The following BCO1 variants were observed in gnomAD, a reference collection of about 807,000 sequenced individuals.
BCO1 encodes the protein beta,beta-carotene 15,15'-dioxygenase.
BCO1 carries 54 observed loss-of-function variants against 56.3 expected under a neutral mutation model. The observed-to-expected ratio is 0.96, with a 90% CI of 0.77 to 1.20. The LOEUF (loss-of-function observed/expected upper bound fraction) is 1.20, where lower values mean the gene tolerates loss of function less well. Ranked by LOEUF, BCO1 falls within the 50% of genes most tolerant of loss-of-function variation. The probability of loss-of-function intolerance (pLI) is 0.00; values close to 1 mark genes in which losing one functional copy is unlikely to be tolerated. For synonymous variants in BCO1, 318 were observed against 266.1 expected, an observed-to-expected ratio of 1.20 and a Z score of -1.90; for missense variants, 801 against 690.9, an observed-to-expected ratio of 1.16 and a Z score of -1.79.
intron 3 of BCO1, chr16:81,261,901 C>G (rs1412717776): frequency 2.3e-6 from 1 of 429,364 alleles, no homozygotes; most frequent in African/African-American, 2.0e-5. Flanking sequence ...GCCACCACGC[C>G]CGGCTGATTT....
In BCO1 at chr16:81,259,355, G is replaced by A. The variant is rs74594705; in HGVS notation, c.194-321G>A. Among the ~76,000 whole-genome samples the A allele has an allele frequency of 7.2e-3, 1,102 of 152,146 alleles. 16 individuals are homozygous for A. The highest frequency in any genetic ancestry group is 0.025 in the African/African-American group (1,055 of 41,500). ...CTAAAAATACAAAAATTTGCTGGTCGTGGTGGCGCATGCCTATAATCCTAG... is the reference window on the plus strand; with the variant it reads ...CTAAAAATACAAAAATTTGCTGGTCATGGTGGCGCATGCCTATAATCCTAG... On this transcript the variant is annotated intron_variant, in intron 2 of 10. Transcript: ENST00000258168.
chr16:81,284,839 CTT>C (rs763583150), intron 8 of BCO1, among the ~76,000 whole-genome samples: 7 of 136,378 alleles, frequency 5.1e-5, no homozygotes, highest in Non-Finnish European at 3.2e-5. Context: ...CTTTTCTTTT[CTT>C]TTTTTTTTTT....
intron 7 of BCO1, 108 bp downstream of exon 7, chr16:81,270,524 T>C (rs934366507): frequency 1.3e-4 from 182 of 1,447,842 alleles, no homozygotes; most frequent in Non-Finnish European, 1.6e-4. Flanking sequence ...TGAACTGTTC[T>C]TGAAAAAAAA....
intron 1 of BCO1, among the ~76,000 whole-genome samples, 163 bp from the exon 2 acceptor site, chr16:81,245,312 G>A (rs1037640060): frequency 1.3e-5 from 2 of 152,190 alleles, no homozygotes; most frequent in African/African-American, 4.8e-5. Flanking sequence ...CTAGCCAACT[G>A]CCCAACACAT....
intron 7 of BCO1, among the ~76,000 whole-genome samples, chr16:81,277,845 TCA>T (rs1218549338): frequency 6.6e-6 from 1 of 152,134 alleles, no homozygotes; most frequent in Non-Finnish European, 1.5e-5. Flanking sequence ...GTGGAAAAAT[TCA>T]CAGTTTATTC....
intron 2 of BCO1, among the ~76,000 whole-genome samples, chr16:81,253,180 C>A (rs1348989046): frequency 6.6e-6 from 1 of 152,034 alleles, no homozygotes; most frequent in Non-Finnish European, 1.5e-5. Flanking sequence ...AGCTTCCAGT[C>A]AAGGAGACTG....
chr16:81,240,748 C>G (rs1452432454), intron 1 of BCO1, among the ~76,000 whole-genome samples: 2 of 151,910 alleles, frequency 1.3e-5, no homozygotes, highest in Admixed American at 1.3e-4. Context: ...GCCTGGCCAA[C>G]CTGGTATGGT....
chr16:81,279,794 GA>G (rs1907760828), intron 7 of BCO1, among the ~76,000 whole-genome samples: 1 of 152,190 alleles, frequency 6.6e-6, no homozygotes. Context: ...ACTGTAAATT[GA>G]GACCAAGAAA....
intron 7 of BCO1, among the ~76,000 whole-genome samples, chr16:81,278,567 A>G (rs138963471): frequency 1.3e-5 from 2 of 152,320 alleles, no homozygotes; most frequent in African/African-American, 4.8e-5. Flanking sequence ...TGCGGCAGAC[A>G]AGCTAAAATA....
intron 1 of BCO1, among the ~76,000 whole-genome samples, chr16:81,241,277 T>C (rs60679081): frequency 0.38 from 58,402 of 151,808 alleles, 11,575 homozygotes; most frequent in African/African-American, 0.48. Flanking sequence ...CGCACCACTG[T>C]ACTCCAGCCT....
rs1907534654 is a variant in BCO1 at position 81,276,001 on chromosome 16, C to CGAG, written c.1102-4854_1102-4852dup. On this transcript the variant is annotated intron_variant, in intron 7 of 10. Coordinates refer to ENST00000258168, the MANE Select transcript of BCO1 (RefSeq NM_017429.3). Reference sequence around the variant, plus strand: ...GTGCTGCAGGGCGCTGTGTGAGGCCCGAGGTTCGTGTGCACCCACGCCTAA... The same window carrying CGAG: ...GTGCTGCAGGGCGCTGTGTGAGGCCCGAGGAGGTTCGTGTGCACCCACGCCTAA... 3.9e-5 allele frequency among the ~76,000 whole-genome samples: 6 copies of CGAG among 152,244 alleles called. No homozygotes were observed. The South Asian group carries it at 8.3e-4, about 21-fold the overall frequency.
At chr16:81,267,699 T>A (rs1906914241) in intron 5 of BCO1, among the ~76,000 whole-genome samples, 1 of 152,140 alleles carries the variant, frequency 6.6e-6, no homozygotes, top group East Asian at 1.9e-4. Context: ...TCAGTGGTTT[T>A]CAGATTGTAT....
In BCO1 at chr16:81,245,543, T is replaced by C. The variant is rs1905353939; in HGVS notation, c.133T>C (p.Ser45Pro). The change falls in exon 2 of 11, where the codon TCC becomes CCC. Residue 45 changes from serine (S) to proline (P), a missense_variant. By Grantham distance (74) the Ser-to-Pro change is moderately conservative (BLOSUM62 -1). Transcript: ENST00000258168. ...GCCTGGGATGCACACAGTTGGGGAG[T>C]CCAGATACAACCATTGGTTCGACGG... ...NGPGMHTVGE[S>P]RYNHWFDGLA... is the part of the protein sequence containing the mutation. 1 of 1,613,472 alleles carries C rather than the reference T, an allele frequency of 6.2e-7. No homozygotes were observed. Among genetic ancestry groups the C allele is most frequent in the Admixed American group, 1.7e-5 (1 of 59,956 alleles).
At chr16:81,242,806 C>T (rs1055597999) in intron 1 of BCO1, among the ~76,000 whole-genome samples, 2 of 152,138 alleles carry the variant, frequency 1.3e-5, no homozygotes, top group African/African-American at 2.4e-5. Flanking sequence ...CACAGCATTA[C>T]GGCCCGAGTT....
chr16:81,290,741 T>C lies in BCO1; in HGVS notation c.*164T>C, dbSNP rs563308019. 5.5e-5 allele frequency: 34 copies of C among 612,634 alleles called. No individual in the cohort carries two copies. Among genetic ancestry groups the C allele is most frequent in the Middle Eastern group, 4.4e-4 (1 of 2,260 alleles). 37.9% of individuals were successfully genotyped at this position (612,634 alleles called of 1,614,324 possible). ...GAGCTTGTCAGTATCATTTCTTTCA[T>C]TTTATTTTGGCTGTAAAAATTTTGT... On this transcript the variant is annotated 3_prime_UTR_variant, in exon 11 of 11. Coordinates refer to ENST00000258168, the MANE Select transcript of BCO1 (RefSeq NM_017429.3).
chr16:81,270,132 G>C (rs750963671), intron 6 of BCO1, 27 bp from the exon 7 acceptor site: 28 of 1,613,676 alleles, frequency 1.7e-5, no homozygotes, highest in Non-Finnish European at 2.3e-5. Context: ...AGGGTGAGCT[G>C]AGCCCTTGAT....
intron 10 of BCO1, among the ~76,000 whole-genome samples, chr16:81,289,132 A>C (rs1908332810): frequency 6.6e-6 from 1 of 152,196 alleles, no homozygotes; most frequent in Non-Finnish European, 1.5e-5. Context: ...GGTAAGATTT[A>C]AATCCAGGCC....
At chr16:81,255,477 C>T (rs1906071710) in intron 2 of BCO1, among the ~76,000 whole-genome samples, 1 of 152,076 alleles carries the variant, frequency 6.6e-6, no homozygotes, top group Admixed American at 6.6e-5. Flanking sequence ...TATTAATTAA[C>T]AAATGACATT....
chr16:81,280,112 A>T (rs912423322), intron 7 of BCO1, among the ~76,000 whole-genome samples: 3 of 151,846 alleles, frequency 2.0e-5, no homozygotes, highest in African/African-American at 7.3e-5. Context: ...AAAATATAAA[A>T]ATTAGCCAGG....
Sources: gnomAD v4.1 joint callset for allele counts (sites outside exome capture counted in the v4.1 genomes callset) on GRCh38, gnomAD v4.1.1 for gene constraint, MANE v1.5 for transcripts, NCBI Gene and HGNC (gene_info 2026-07-23, HGNC 2026-07-21) for gene names.